Variants in PARVA observed in about 807,000 individuals in gnomAD.
PARVA encodes the protein parvin alpha, also known as alpha-parvin.
A neutral mutation model predicts 52.6 loss-of-function variants in PARVA; 25 were observed. The observed-to-expected ratio is 0.48, with a 90% CI of 0.35 to 0.66. The LOEUF (loss-of-function observed/expected upper bound fraction) is 0.66, where lower values mean the gene tolerates loss of function less well. PARVA is among the 30% of genes least tolerant of loss of function. The pLI is 0.01. For missense variants in PARVA, 373 were observed against 450.9 expected, an observed-to-expected ratio of 0.83 and a Z score of 1.56; for synonymous variants, 185 against 179.1, an observed-to-expected ratio of 1.03 and a Z score of -0.26.
chr11:12,390,916 C>T lies in PARVA; in HGVS notation c.136+13133C>T, dbSNP rs150518028. Among the ~76,000 whole-genome samples the T allele has an allele frequency of 7.2e-3, 1,092 of 152,144 alleles. 44 individuals are homozygous for T. The highest frequency in any genetic ancestry group is 0.065 in the Admixed American group (987 of 15,286). ...CCATTTTAAAGCAGCTCTCAGGATA[C>T]AGGCAAGTCCTGAAATAGCCCCATG... is the stretch of plus-strand genomic sequence containing the variant. On this transcript the variant is annotated intron_variant, in intron 1 of 12. Transcript: ENST00000334956.
chr11:12,442,897 C>G (rs1489128518), intron 1 of PARVA, among the ~76,000 whole-genome samples: 3 of 148,176 alleles, frequency 2.0e-5, no homozygotes, highest in Non-Finnish European at 3.0e-5. Flanking sequence ...GAGTCTCGCT[C>G]TGTCCCCCAG....
chr11:12,528,907 T>C lies in PARVA; in HGVS notation c.*982T>C, dbSNP rs527778750. 6.5e-6 allele frequency: 1 copy of C among 152,786 alleles called. No homozygotes were observed. Among genetic ancestry groups the C allele is most frequent in the Non-Finnish European group, 1.5e-5 (1 of 68,040 alleles). The allele number at this position is 152,786 out of a possible 1,614,324, so 9.5% of individuals were successfully genotyped here. On this transcript the variant is annotated 3_prime_UTR_variant, in exon 13 of 13. Transcript: ENST00000334956. ...TGGAGTGGCACATTTTGCAGCCTTT[T>C]TGCTTGATTGCATGTAATGGAAATG...
chr11:12,517,727 A>G lies in PARVA; in HGVS notation c.969+16A>G. On this transcript the variant is annotated intron_variant, in intron 11 of 12. Coordinates refer to ENST00000334956, the MANE Select transcript of PARVA (RefSeq NM_018222.5). ...TGAACAGAAGGTAAGGAGAAGGGAC[A>G]TCAAGGGAGGCCCCCTAGCCCACAT... 1 of 1,542,546 alleles carries G rather than the reference A, an allele frequency of 6.5e-7. No homozygotes were observed. The highest frequency in any genetic ancestry group is 1.2e-5 in the South Asian group (1 of 85,442).
At chr11:12,522,049 G>A (rs1448102497) in intron 12 of PARVA, among the ~76,000 whole-genome samples, 1 of 152,166 alleles carries the variant, frequency 6.6e-6, no homozygotes, top group Non-Finnish European at 1.5e-5. Flanking sequence ...CCAAATGTGT[G>A]CTAATTTACT....
intron 1 of PARVA, among the ~76,000 whole-genome samples, chr11:12,418,642 A>C (rs529284103): frequency 6.6e-6 from 1 of 152,058 alleles, no homozygotes; most frequent in Non-Finnish European, 1.5e-5. Context: ...ACTGGAGCCA[A>C]ATTCCATCTT....
chr11:12,432,756 A>T (rs570613950), intron 1 of PARVA, among the ~76,000 whole-genome samples: 1 of 152,332 alleles, frequency 6.6e-6, no homozygotes, highest in Admixed American at 6.5e-5. Flanking sequence ...TATTTTAAAA[A>T]GTGGAGAGCT....
intron 12 of PARVA, among the ~76,000 whole-genome samples, chr11:12,524,429 T>C (rs1941675910): frequency 6.6e-6 from 1 of 152,210 alleles, no homozygotes; most frequent in Non-Finnish European, 1.5e-5. Flanking sequence ...ATTGGACATT[T>C]TCTTTTTCTA....
At chr11:12,388,490 C>T (rs796137492) in intron 1 of PARVA, among the ~76,000 whole-genome samples, 1 of 152,158 alleles carries the variant, frequency 6.6e-6, no homozygotes, top group Non-Finnish European at 1.5e-5. Flanking sequence ...TGACTGCACA[C>T]TCTCTTGGGG....
chr11:12,460,008 A>C (rs1056113607), intron 1 of PARVA, among the ~76,000 whole-genome samples: 1 of 152,198 alleles, frequency 6.6e-6, no homozygotes. Flanking sequence ...TAGCTTATGC[A>C]AGATTATTCT....
In PARVA at chr11:12,451,809, T is replaced by G. The variant is rs76853556; in HGVS notation, c.137-21936T>G. Among the ~76,000 whole-genome samples, 288 of 152,304 alleles carry G rather than the reference T, an allele frequency of 1.9e-3. 6 individuals carry two copies. The highest frequency in any genetic ancestry group is 0.016 in the East Asian group (83 of 5,162). On this transcript the variant is annotated intron_variant, in intron 1 of 12. Coordinates refer to ENST00000334956, the MANE Select transcript of PARVA (RefSeq NM_018222.5). Reference sequence around the variant, plus strand: ...TACATAATAGTTATTAATCCAAGAATGTTAGCTAAATTTGCATACTCTGTA... The same window carrying G: ...TACATAATAGTTATTAATCCAAGAAGGTTAGCTAAATTTGCATACTCTGTA...
rs1939557511 is a variant in PARVA at position 12,385,281 on chromosome 11, A to T, written c.136+7498A>T. On this transcript the variant is annotated intron_variant, in intron 1 of 12. Coordinates refer to ENST00000334956, the MANE Select transcript of PARVA (RefSeq NM_018222.5). ...GAGTTTGGGACTGCAGTGAGCCATGATCACACCACTGCACTCCAGTCTGTG... is the reference window on the plus strand; with the variant it reads ...GAGTTTGGGACTGCAGTGAGCCATGTTCACACCACTGCACTCCAGTCTGTG... 2.0e-5 allele frequency among the ~76,000 whole-genome samples: 3 copies of T among 152,160 alleles called. No homozygotes were observed. The South Asian group carries it at 6.2e-4, about 32-fold the overall frequency.
At chr11:12,461,679 A>G (rs1286366304) in intron 1 of PARVA, among the ~76,000 whole-genome samples, 2 of 152,238 alleles carry the variant, frequency 1.3e-5, no homozygotes, top group Non-Finnish European at 2.9e-5. Flanking sequence ...GGACAGCCGC[A>G]TCACATGGTT....
At chr11:12,406,313 G>C (rs1056075220) in intron 1 of PARVA, among the ~76,000 whole-genome samples, 1 of 152,188 alleles carries the variant, frequency 6.6e-6, no homozygotes, top group African/African-American at 2.4e-5. Flanking sequence ...GATTGGATGA[G>C]GTCCAGCCAC....
At chr11:12,409,817 G>A (rs1350289353) in intron 1 of PARVA, among the ~76,000 whole-genome samples, 1 of 152,242 alleles carries the variant, frequency 6.6e-6, no homozygotes, top group Non-Finnish European at 1.5e-5. Context: ...TAGAGCCACA[G>A]TTGGAAGCAA....
intron 1 of PARVA, among the ~76,000 whole-genome samples, chr11:12,469,612 G>T (rs1467664999): frequency 6.6e-6 from 1 of 152,184 alleles, no homozygotes; most frequent in African/African-American, 2.4e-5. Context: ...CACTAATGGG[G>T]CCCCATGGGG....
chr11:12,496,369 T>C (rs1941298684), intron 4 of PARVA, 89 bp from the exon 5 acceptor site: 1 of 1,371,064 alleles, frequency 7.3e-7, no homozygotes, highest in Non-Finnish European at 1.0e-6. Context: ...CATGAGTGCA[T>C]GAGAGACCGA....
intron 1 of PARVA, among the ~76,000 whole-genome samples, chr11:12,381,759 CTG>C (rs1244448711): frequency 2.5e-4 from 38 of 152,288 alleles, no homozygotes; most frequent in African/African-American, 9.1e-4. Flanking sequence ...GTTTGCAAAA[CTG>C]TGCTGCATTA....
chr11:12,500,266 G>C (rs1264291653), intron 5 of PARVA, among the ~76,000 whole-genome samples: 1 of 152,114 alleles, frequency 6.6e-6, no homozygotes, highest in East Asian at 1.9e-4. Context: ...CCTTGCAGCT[G>C]CGGTTCCCGG....
intron 1 of PARVA, among the ~76,000 whole-genome samples, chr11:12,406,614 A>T (rs1939911631): frequency 6.9e-6 from 1 of 144,718 alleles, no homozygotes; most frequent in Non-Finnish European, 1.5e-5. Context: ...TGGCTTTCTC[A>T]TGATTTATTT....
Sources: allele counts gnomAD v4.1 joint callset (sites outside exome capture counted in the v4.1 genomes callset), GRCh38; gene constraint gnomAD v4.1.1; transcripts MANE v1.5; gene names NCBI Gene and HGNC (gene_info 2026-07-23, HGNC 2026-07-21).